The following CLTC variants were observed in gnomAD, a reference collection of about 807,000 sequenced individuals.
CLTC encodes the protein clathrin heavy chain, also known as clathrin heavy chain 1.
Under a neutral mutation model 195.8 loss-of-function variants are expected in CLTC, and 16 were observed. That is an observed-to-expected ratio of 0.08 (90% CI 0.06 to 0.12). The LOEUF (loss-of-function observed/expected upper bound fraction) is 0.12. Ranked by LOEUF, CLTC falls within the 10% of genes least tolerant of loss-of-function variation. CLTC has a pLI of 1.00. For synonymous variants in CLTC, 667 were observed against 689.4 expected (o/e 0.97, Z 0.51); for missense variants, 796 against 2,027.0 (o/e 0.39, Z 11.66).
Position 59,694,659 on chromosome 17 carries a change from A to G in CLTC, c.*807A>G, listed in dbSNP as rs1060666. 13 of 225,784 alleles carry G rather than the reference A, an allele frequency of 5.8e-5. No homozygotes were observed. The highest frequency in any genetic ancestry group is 2.7e-4 in the African/African-American group (12 of 44,922). The allele number at this position is 225,784 out of a possible 1,614,324, so 14.0% of individuals were successfully genotyped here. A position where few individuals can be genotyped will look rare whatever the true frequency, so the allele number is the denominator to read the frequency against. On this transcript the variant is annotated 3_prime_UTR_variant, in exon 32 of 32. Coordinates refer to ENST00000269122, the MANE Select transcript of CLTC (RefSeq NM_004859.4). ...GTTGGATATTGTGGTGTTTTAGATC[A>G]CTGAGTGTACAGAAGAGAGAAATTC...
At chr17:59,631,445 A>G (rs1037108915) in intron 1 of CLTC, among the ~76,000 whole-genome samples, 2 of 152,234 alleles carry the variant, frequency 1.3e-5, no homozygotes, top group African/African-American at 4.8e-5. Context: ...ATCTGAAGAA[A>G]TACTAGAAAT....
At chr17:59,665,566 C>T (rs1341867013) in intron 10 of CLTC, among the ~76,000 whole-genome samples, 3 of 151,970 alleles carry the variant, frequency 2.0e-5, no homozygotes, top group Admixed American at 6.6e-5. Flanking sequence ...AGGCTGGGTG[C>T]GGTGGCTCAG....
chr17:59,626,755 C>T (rs1237561191), intron 1 of CLTC, among the ~76,000 whole-genome samples: 1 of 152,186 alleles, frequency 6.6e-6, no homozygotes, highest in Non-Finnish European at 1.5e-5. Context: ...GGTTAAGTGC[C>T]TATGGCTAAT....
intron 5 of CLTC, among the ~76,000 whole-genome samples, chr17:59,653,583 C>G (rs1359570905): frequency 1.3e-5 from 2 of 149,810 alleles, no homozygotes; most frequent in East Asian, 4.0e-4. Context: ...ATAGGTTCTC[C>G]CTCTGTTGCC....
chr17:59,665,335 G>A (rs2143552413), intron 10 of CLTC, among the ~76,000 whole-genome samples: 1 of 152,234 alleles, frequency 6.6e-6, no homozygotes, highest in South Asian at 2.1e-4. Context: ...AGAATGGACA[G>A]TATGAAACCA....
intron 1 of CLTC, among the ~76,000 whole-genome samples, chr17:59,630,017 T>A (rs1200638457): frequency 6.6e-6 from 1 of 152,186 alleles, no homozygotes; most frequent in East Asian, 1.9e-4. Context: ...TGTGTTTTGT[T>A]TTTTGAGACA....
intron 1 of CLTC, among the ~76,000 whole-genome samples, chr17:59,641,182 A>G (rs760393991): frequency 5.9e-5 from 9 of 152,056 alleles, no homozygotes; most frequent in Non-Finnish European, 8.8e-5. Flanking sequence ...TTTTAACTCA[A>G]ACTGGGACAT....
intron 6 of CLTC, among the ~76,000 whole-genome samples, chr17:59,659,659 A>G (rs2032563819): frequency 6.6e-6 from 1 of 151,692 alleles, no homozygotes; most frequent in Admixed American, 6.6e-5. Flanking sequence ...CATGTTGGTC[A>G]GGCTGGTCTT....
intron 4 of CLTC, among the ~76,000 whole-genome samples, chr17:59,650,793 TTC>T (rs567025986): frequency 3.3e-5 from 5 of 152,314 alleles, no homozygotes; most frequent in African/African-American, 1.2e-4. Context: ...AATTGTATAA[TTC>T]TGTGTCATTT....
chr17:59,651,839 A>G (rs969693235), intron 5 of CLTC, among the ~76,000 whole-genome samples: 1 of 152,188 alleles, frequency 6.6e-6, no homozygotes, highest in Non-Finnish European at 1.5e-5. Context: ...AAGACAGCAA[A>G]GAAGTTTGCT....
intron 1 of CLTC, among the ~76,000 whole-genome samples, chr17:59,624,625 T>C: frequency 6.6e-6 from 1 of 151,952 alleles, no homozygotes; most frequent in East Asian, 1.9e-4. Flanking sequence ...TCTGCCACCA[T>C]GCCTGGCTAA....
At chr17:59,686,876 C>A in intron 30 of CLTC, 1 of 457,250 alleles carries the variant, frequency 2.2e-6, no homozygotes, top group Non-Finnish European at 2.9e-6. Context: ...TTTATTTTCA[C>A]TTCTCTCATA....
chr17:59,643,140 T>G (rs906365141), intron 1 of CLTC, among the ~76,000 whole-genome samples: 3 of 150,010 alleles, frequency 2.0e-5, no homozygotes, highest in Non-Finnish European at 4.4e-5. Flanking sequence ...GGGGTGTGTG[T>G]GTGTGTGTGT....
At position 59,656,225 on chromosome 17, in the gene CLTC, A is replaced by G. The variant is rs144293985; in HGVS notation, c.969+198A>G. The G allele has an allele frequency of 3.2e-3, 1,473 of 463,740 alleles. 7 individuals are homozygous for G. Among genetic ancestry groups the G allele is most frequent in the Non-Finnish European group, 3.1e-3 (827 of 267,052 alleles). 28.7% of individuals were successfully genotyped at this position (463,740 alleles called of 1,614,324 possible). A position where few individuals can be genotyped will look rare whatever the true frequency, so the allele number is the denominator to read the frequency against. ...ATCAAAGCACGATGTAAGCTGATAAAAAAGAAAATAATATATACCTAAAAA... is the reference window on the plus strand; with the variant it reads ...ATCAAAGCACGATGTAAGCTGATAAGAAAGAAAATAATATATACCTAAAAA... On this transcript the variant is annotated intron_variant, in intron 6 of 31. Coordinates refer to ENST00000269122, the MANE Select transcript of CLTC (RefSeq NM_004859.4).
At chr17:59,625,582 GGTAGGAGCATT>G (rs1402070901) in intron 1 of CLTC, among the ~76,000 whole-genome samples, 6 of 152,118 alleles carry the variant, frequency 3.9e-5, no homozygotes, top group Admixed American at 6.6e-5. Context: ...TGTGAGCCAA[GGTAGGAGCATT>G]GTTTGAGCCC....
chr17:59,630,735 A>G (rs2031688596), intron 1 of CLTC, among the ~76,000 whole-genome samples: 1 of 152,222 alleles, frequency 6.6e-6, no homozygotes, highest in Non-Finnish European at 1.5e-5. Flanking sequence ...ATCAGACTTC[A>G]TTCCTTTATG....
chr17:59,679,716 ATACAT>A (rs1372390338), intron 18 of CLTC, among the ~76,000 whole-genome samples, 197 bp downstream of exon 18: 1 of 152,066 alleles, frequency 6.6e-6, no homozygotes, highest in East Asian at 1.9e-4. Context: ...AATTGATTAT[ATACAT>A]TATATACAAA....
At chr17:59,658,153 A>G (rs2032519717) in intron 6 of CLTC, among the ~76,000 whole-genome samples, 1 of 152,140 alleles carries the variant, frequency 6.6e-6, no homozygotes, top group Admixed American at 6.5e-5. Flanking sequence ...CTGTGAGCCA[A>G]TATTGTGCCA....
intron 1 of CLTC, among the ~76,000 whole-genome samples, chr17:59,622,876 G>A (rs10515169): frequency 0.031 from 4,718 of 152,250 alleles, 112 homozygotes; most frequent in Non-Finnish European, 0.045. Context: ...CCAACTGAAG[G>A]ATCTCTTGTC....
Sources: allele counts gnomAD v4.1 joint callset (sites outside exome capture counted in the v4.1 genomes callset), GRCh38; gene constraint gnomAD v4.1.1; transcripts MANE v1.5; gene names NCBI Gene and HGNC (gene_info 2026-07-23, HGNC 2026-07-21).